Variants in SGCD observed in about 807,000 individuals in gnomAD.
SGCD encodes the protein sarcoglycan delta.
SGCD carries 18 observed loss-of-function variants against 36.6 expected under a neutral mutation model. The observed-to-expected ratio is 0.49, with a 90% CI of 0.34 to 0.73. SGCD has a LOEUF of 0.73. Ranked by LOEUF, SGCD falls within the 30% of genes least tolerant of loss-of-function variation. SGCD has a pLI of 0.01. For synonymous variants in SGCD, 133 were observed against 130.6 expected (o/e 1.02, Z -0.12); for missense variants, 387 against 346.7 (o/e 1.12, Z -0.92).
intron 3 of SGCD, among the ~76,000 whole-genome samples, chr5:156,495,545 C>A (rs1048603944): frequency 3.3e-5 from 5 of 152,202 alleles, no homozygotes. Context: ...GGGGTACATA[C>A]CCCATGAAGG....
At chr5:155,974,431 A>G (rs1360216226) in intron 1 of SGCD, among the ~76,000 whole-genome samples, 1 of 152,016 alleles carries the variant, frequency 6.6e-6, no homozygotes, top group Non-Finnish European at 1.5e-5. Flanking sequence ...CTCTTTCCCC[A>G]GGGTATCATG....
chr5:156,287,111 G>A (rs12657569), intron 3 of SGCD, among the ~76,000 whole-genome samples: 33,010 of 152,112 alleles, frequency 0.22, 4,024 homozygotes, highest in Admixed American at 0.27. Flanking sequence ...CAGGGCTTGG[G>A]TGTAAGAAGA....
At chr5:156,017,844 T>C (rs1759017678) in intron 1 of SGCD, among the ~76,000 whole-genome samples, 1 of 152,190 alleles carries the variant, frequency 6.6e-6, no homozygotes, top group South Asian at 2.1e-4. Flanking sequence ...ATCTCCTCTT[T>C]TGACATTCAT....
chr5:156,498,342 A>AT (rs1230827478), intron 3 of SGCD, among the ~76,000 whole-genome samples: 1 of 151,328 alleles, frequency 6.6e-6, no homozygotes, highest in Non-Finnish European at 1.5e-5. Context: ...CAACTGAGTG[A>AT]TTTTTAGTAA....
At chr5:155,858,361 C>G in the SGCD span, among the ~76,000 whole-genome samples, 1 of 152,106 alleles carries the variant, frequency 6.6e-6, no homozygotes, top group Non-Finnish European at 1.5e-5. Context: ...ATATCAAGAC[C>G]TATCAAATTG....
At chr5:156,262,649 C>T (rs2127665832) in intron 3 of SGCD, among the ~76,000 whole-genome samples, 1 of 152,084 alleles carries the variant, frequency 6.6e-6, no homozygotes, top group Admixed American at 6.6e-5. Context: ...GGACAGTATA[C>T]ACTGTACCCA....
At chr5:155,922,736 G>C (rs1756913175) in intron 1 of SGCD, among the ~76,000 whole-genome samples, 1 of 152,098 alleles carries the variant, frequency 6.6e-6, no homozygotes, top group Non-Finnish European at 1.5e-5. Context: ...CCCCACTAGT[G>C]CATGTATTTT....
intron 3 of SGCD, among the ~76,000 whole-genome samples, chr5:156,286,223 A>G (rs368906900): frequency 7.2e-4 from 110 of 151,906 alleles, no homozygotes; most frequent in African/African-American, 2.6e-3. Context: ...TATACTGTTG[A>G]TGGGACTGTA....
intron 1 of SGCD, among the ~76,000 whole-genome samples, chr5:155,951,819 C>CT (rs1327894406): frequency 6.6e-6 from 1 of 152,092 alleles, no homozygotes; most frequent in Non-Finnish European, 1.5e-5. Context: ...GGGATCCTTT[C>CT]TATAGAGGGA....
chr5:156,755,213 G>T (rs1474046555), intron 7 of SGCD, among the ~76,000 whole-genome samples: 1 of 152,182 alleles, frequency 6.6e-6, no homozygotes, highest in Non-Finnish European at 1.5e-5. Context: ...TGAGTTAAAA[G>T]ACGTGTTAAC....
At chr5:156,720,274 A>C (rs1755430328) in intron 7 of SGCD, among the ~76,000 whole-genome samples, 1 of 152,222 alleles carries the variant, frequency 6.6e-6, no homozygotes, top group South Asian at 2.1e-4. Flanking sequence ...AGGAATAAAT[A>C]TTAGGGAGAA....
chr5:155,820,320 G>C, the SGCD span, among the ~76,000 whole-genome samples: 1 of 152,106 alleles, frequency 6.6e-6, no homozygotes, highest in Admixed American at 6.5e-5. Flanking sequence ...TGGAAAGAAA[G>C]GTCTTGTCTT....
intron 3 of SGCD, among the ~76,000 whole-genome samples, chr5:156,434,982 G>A (rs965928352): frequency 6.6e-6 from 1 of 152,172 alleles, no homozygotes; most frequent in Admixed American, 6.5e-5. Flanking sequence ...GAAAAGTCTA[G>A]TTACACTTAA....
intron 1 of SGCD, among the ~76,000 whole-genome samples, chr5:156,091,384 T>C (rs1213557446): frequency 6.6e-6 from 1 of 152,226 alleles, no homozygotes; most frequent in Non-Finnish European, 1.5e-5. Flanking sequence ...TAAATGTTTA[T>C]TCACTTTCCT....
intron 7 of SGCD, among the ~76,000 whole-genome samples, chr5:156,752,312 G>A (rs145159139): frequency 0.01 from 1,550 of 152,218 alleles, 11 homozygotes; most frequent in Middle Eastern, 0.027. Flanking sequence ...AAATAGAAGG[G>A]ATCAGGAAGA....
intron 3 of SGCD, among the ~76,000 whole-genome samples, chr5:156,246,843 A>G (rs1299681703): frequency 2.0e-5 from 3 of 152,186 alleles, no homozygotes; most frequent in South Asian, 4.1e-4. Flanking sequence ...ACAACATACA[A>G]TCCACAGATA....
chr5:156,592,135 A>G (rs1273983425), intron 5 of SGCD, among the ~76,000 whole-genome samples: 1 of 152,114 alleles, frequency 6.6e-6, no homozygotes, highest in Non-Finnish European at 1.5e-5. Flanking sequence ...GTAACACAGG[A>G]AGGTGTCCTT....
intron 3 of SGCD, among the ~76,000 whole-genome samples, chr5:156,408,692 G>A (rs1024635283): frequency 3.3e-5 from 5 of 152,062 alleles, no homozygotes; most frequent in African/African-American, 1.2e-4. Flanking sequence ...ATCACCCCTT[G>A]TCTTCTGCCA....
chr5:155,734,296 C>A, the SGCD span, among the ~76,000 whole-genome samples: 1 of 151,740 alleles, frequency 6.6e-6, no homozygotes, highest in Non-Finnish European at 1.5e-5. Context: ...ACATCCACCT[C>A]CTGGGTCAAA....
Sources: allele counts gnomAD v4.1 joint callset (sites outside exome capture counted in the v4.1 genomes callset), GRCh38; gene constraint gnomAD v4.1.1; transcripts MANE v1.5; gene names NCBI Gene and HGNC (gene_info 2026-07-23, HGNC 2026-07-21).